The following VAC14 variants were observed in gnomAD, a reference collection of about 807,000 sequenced individuals.
The protein encoded by VAC14 is VAC14 component of PIKFYVE complex.
A neutral mutation model predicts 85.3 loss-of-function variants in VAC14; 47 were observed. The ratio of observed to expected loss-of-function variants is 0.55; its 90% confidence interval spans 0.44 to 0.70. The LOEUF (loss-of-function observed/expected upper bound fraction) is 0.70, where lower values mean the gene tolerates loss of function less well. VAC14 is among the 30% of genes least tolerant of loss of function. VAC14 has a pLI of 0.00. For missense variants in VAC14, 861 were observed against 1,004.3 expected, an observed-to-expected ratio of 0.86 and a Z score of 1.93; for synonymous variants, 447 against 430.5, an observed-to-expected ratio of 1.04 and a Z score of -0.47.
intron 1 of VAC14, among the ~76,000 whole-genome samples, chr16:70,799,698 T>C (rs1409258783): frequency 6.6e-6 from 1 of 152,086 alleles, no homozygotes; most frequent in Non-Finnish European, 1.5e-5. Flanking sequence ...CCCCAAAATG[T>C]GAATGGTGCA....
At chr16:70,785,394 T>C (rs2034002301) in intron 3 of VAC14, among the ~76,000 whole-genome samples, 1 of 152,260 alleles carries the variant, frequency 6.6e-6, no homozygotes, top group Non-Finnish European at 1.5e-5. Context: ...GTCTGGATGA[T>C]GGCGTCAGCA....
At chr16:70,745,482 AGTGTGTGTGTGT>A (rs145054065) in intron 12 of VAC14, among the ~76,000 whole-genome samples, 18 of 143,870 alleles carry the variant, frequency 1.3e-4, no homozygotes, top group Admixed American at 5.4e-4. Flanking sequence ...GAGGGGCTTC[AGTGTGTGTGTGT>A]GTGTGTGTGT....
chr16:70,771,710 G>A (rs144475297), intron 10 of VAC14: 331 of 175,072 alleles, frequency 1.9e-3, no homozygotes, highest in Non-Finnish European at 3.0e-3. Flanking sequence ...TCCCCAAGTA[G>A]CTGGGACTAC....
At position 70,726,336 on chromosome 16, in the gene VAC14, A is replaced by G. The variant is rs143289288; in HGVS notation, c.1661+5159T>C. ...TGGGTGCCCTGGGCACTGGGGCAACAGGGCCGGTGCACTGGAGCCAGCTCT... is the reference window on the plus strand; with the variant it reads ...TGGGTGCCCTGGGCACTGGGGCAACGGGGCCGGTGCACTGGAGCCAGCTCT... On this transcript the variant is annotated intron_variant, in intron 14 of 18. Coordinates refer to ENST00000261776, the MANE Select transcript of VAC14 (RefSeq NM_018052.5). Among the ~76,000 whole-genome samples the G allele has an allele frequency of 3.1e-3, 468 of 152,354 alleles. 4 individuals are homozygous for G. The highest frequency in any genetic ancestry group is 0.017 in the Middle Eastern group (5 of 292).
At chr16:70,719,927 C>T (rs1259739448) in intron 14 of VAC14, among the ~76,000 whole-genome samples, 2 of 152,152 alleles carry the variant, frequency 1.3e-5, no homozygotes, top group Non-Finnish European at 2.9e-5. Context: ...ATAATAGTGT[C>T]AAACCGAAAA....
chr16:70,721,076 C>T (rs1567537866), intron 14 of VAC14, among the ~76,000 whole-genome samples: 1 of 152,190 alleles, frequency 6.6e-6, no homozygotes, highest in Non-Finnish European at 1.5e-5. Context: ...GACACATGTC[C>T]TATTGAGCAA....
intron 14 of VAC14, among the ~76,000 whole-genome samples, chr16:70,721,461 AGAG>A (rs925140917): frequency 6.1e-4 from 93 of 152,196 alleles, no homozygotes; most frequent in African/African-American, 2.1e-3. Context: ...AAGAGGAAGC[AGAG>A]GAGGAGAAGA....
Position 70,691,955 on chromosome 16 carries a change from G to A in VAC14, c.2186+866C>T, listed in dbSNP as rs572530027. 1.1e-4 allele frequency: 110 copies of A among 985,322 alleles called. No homozygotes were observed. In the Middle Eastern group the frequency reaches 2.6e-3, roughly 23 times the overall value. The allele number at this position is 985,322 out of a possible 1,614,324, so 61.0% of individuals were successfully genotyped here. ...CTGCTGAGTGGCTCTAACAGCCTGG[G>A]AGGGAATTCTAGACACACAGGGCAT... On this transcript the variant is annotated intron_variant, in intron 18 of 18. Coordinates refer to ENST00000261776, the MANE Select transcript of VAC14 (RefSeq NM_018052.5).
intron 1 of VAC14, among the ~76,000 whole-genome samples, chr16:70,793,991 A>C (rs1047827861): frequency 6.6e-6 from 1 of 152,198 alleles, no homozygotes; most frequent in Admixed American, 6.5e-5. Context: ...CATACAGTGG[A>C]TCCAACCAGT....
chr16:70,762,866 G>C lies in VAC14; in HGVS notation c.1305+15C>G, dbSNP rs975507319. 1.2e-6 allele frequency: 2 copies of C among 1,614,142 alleles called. No homozygotes were observed. The highest frequency in any genetic ancestry group is 1.7e-6 in the Non-Finnish European group (2 of 1,180,028). ...CCCAGAAGAGGCCCCTGGCTTGGAGGGGCCCAGGGCTCACCTTCCGAGGAG... is the reference window on the plus strand; with the variant it reads ...CCCAGAAGAGGCCCCTGGCTTGGAGCGGCCCAGGGCTCACCTTCCGAGGAG... On this transcript the variant is annotated intron_variant, in intron 11 of 18. Transcript: ENST00000261776. This position sits in a 1 kb window ranked among gnomAD's most constrained non-coding sequence, Gnocchi z 4.1.
chr16:70,788,651 C>T (rs562628730), intron 1 of VAC14, among the ~76,000 whole-genome samples: 3 of 152,242 alleles, frequency 2.0e-5, no homozygotes, highest in Non-Finnish European at 1.5e-5. Flanking sequence ...ACAGACACAG[C>T]CCCTTGCCAA....
intron 14 of VAC14, among the ~76,000 whole-genome samples, chr16:70,711,505 G>A (rs1002839323): frequency 2.6e-5 from 4 of 151,800 alleles, no homozygotes; most frequent in Admixed American, 6.6e-5. Context: ...TCACGGTCCC[G>A]AGCCTGCTGT....
chr16:70,798,786 G>A (rs181468793), intron 1 of VAC14, among the ~76,000 whole-genome samples: 2 of 152,304 alleles, frequency 1.3e-5, no homozygotes, highest in Non-Finnish European at 2.9e-5. Flanking sequence ...TGTAGGCCAC[G>A]CTTTTGGGCA....
intron 1 of VAC14, among the ~76,000 whole-genome samples, chr16:70,788,810 A>G (rs1254434592): frequency 2.6e-5 from 4 of 152,212 alleles, no homozygotes; most frequent in Admixed American, 1.3e-4. Context: ...TTTTCCTCAC[A>G]GAGAGATCCT....
chr16:70,718,846 G>T (rs2054223775), intron 14 of VAC14, among the ~76,000 whole-genome samples: 1 of 152,184 alleles, frequency 6.6e-6, no homozygotes, highest in African/African-American at 2.4e-5. Context: ...GCGATGTGGT[G>T]GCCGTGTCTC....
intron 1 of VAC14, among the ~76,000 whole-genome samples, chr16:70,789,195 A>G (rs1031842209): frequency 7.2e-5 from 11 of 152,216 alleles, no homozygotes; most frequent in Admixed American, 1.3e-4. Flanking sequence ...AAGACTAAAC[A>G]CAGAAGGCGG....
At chr16:70,790,117 G>C (rs528952557) in intron 1 of VAC14, among the ~76,000 whole-genome samples, 1 of 152,216 alleles carries the variant, frequency 6.6e-6, no homozygotes, top group Non-Finnish European at 1.5e-5. Context: ...AGGGCTTAAG[G>C]AATACTGTGC....
At chr16:70,760,300 T>C (rs1178287704) in intron 12 of VAC14, among the ~76,000 whole-genome samples, 1 of 152,154 alleles carries the variant, frequency 6.6e-6, no homozygotes, top group Non-Finnish European at 1.5e-5. Context: ...GAGAGGGCAC[T>C]TTCTAGATAT....
intron 12 of VAC14, among the ~76,000 whole-genome samples, chr16:70,751,417 G>A (rs1243055213): frequency 6.6e-6 from 1 of 152,232 alleles, no homozygotes; most frequent in Non-Finnish European, 1.5e-5. Flanking sequence ...TGCCTGGAGC[G>A]GTCAGGTCGC....
Sources: gnomAD v4.1 joint callset for allele counts (sites outside exome capture counted in the v4.1 genomes callset) on GRCh38, gnomAD v4.1.1 for gene constraint, Gnocchi (gnomAD v3.1) non-coding constraint, MANE v1.5 for transcripts, NCBI Gene and HGNC (gene_info 2026-07-23, HGNC 2026-07-21) for gene names.